Variants in ACACA observed in about 807,000 individuals in gnomAD.
ACACA encodes acetyl-CoA carboxylase 1.
Under a neutral mutation model 296.1 loss-of-function variants are expected in ACACA, and 103 were observed. That is an observed-to-expected ratio of 0.35 (90% CI 0.30 to 0.41). The LOEUF (loss-of-function observed/expected upper bound fraction) is 0.41. Among genes scored for constraint, ACACA ranks in the 10% least tolerant of loss-of-function variants. The pLI is 1.00. For missense variants in ACACA, 1,554 were observed against 2,989.7 expected, an observed-to-expected ratio of 0.52 and a Z score of 11.20; for synonymous variants, 953 against 1,038.6, an observed-to-expected ratio of 0.92 and a Z score of 1.58.
intron 9 of ACACA, among the ~76,000 whole-genome samples, 180 bp from the exon 10 acceptor site, chr17:37,271,041 G>A (rs1216602586): frequency 6.6e-6 from 1 of 152,110 alleles, no homozygotes; most frequent in African/African-American, 2.4e-5. Flanking sequence ...GTAGTATTAG[G>A]TTGAACCAAA....
chr17:37,114,266 G>A (rs2074126522), intron 50 of ACACA, among the ~76,000 whole-genome samples: 1 of 152,070 alleles, frequency 6.6e-6, no homozygotes, highest in Non-Finnish European at 1.5e-5. Context: ...TGTAGACTGG[G>A]AATGGTAGCT....
intron 38 of ACACA, 26 bp downstream of exon 38, chr17:37,191,094 G>A (rs1827006073): frequency 6.2e-7 from 1 of 1,613,030 alleles, no homozygotes; most frequent in Non-Finnish European, 8.5e-7. Context: ...TGCTAGTGCT[G>A]GGAGAGAAGC....
chr17:37,089,113 G>A (rs1444985016), intron 54 of ACACA, 39 bp from the exon 55 acceptor site: 2 of 1,613,894 alleles, frequency 1.2e-6, no homozygotes, highest in Non-Finnish European at 8.5e-7. Context: ...CCAGGGGTCA[G>A]GCCAGGCCGG....
intron 19 of ACACA, among the ~76,000 whole-genome samples, chr17:37,246,382 AT>A (rs2080700272): frequency 6.6e-6 from 1 of 151,894 alleles, no homozygotes; most frequent in African/African-American, 2.4e-5. Context: ...AAGCCAACTG[AT>A]GTTTCTTTTT....
chr17:37,123,719 C>G lies in ACACA; in HGVS notation c.6042-1092G>C, dbSNP rs770505099. Among the ~76,000 whole-genome samples the G allele has an allele frequency of 4.3e-4, 66 of 152,152 alleles. 1 individual carries two copies. The highest frequency in any genetic ancestry group is 2.7e-3 in the Admixed American group (41 of 15,262). The stretch of plus-strand genomic sequence containing the variant: ...CTGCACTGAATCAGAATCAAAAGCC[C>G]TCTAGACAACCAGACAACGAGCAGG... On this transcript the variant is annotated intron_variant, in intron 48 of 55. Coordinates refer to ENST00000616317, the MANE Select transcript of ACACA (RefSeq NM_198834.3).
At chr17:37,216,208 G>GTATATA (rs71159696) in intron 29 of ACACA, among the ~76,000 whole-genome samples, 6 of 144,074 alleles carry the variant, frequency 4.2e-5, no homozygotes, top group Non-Finnish European at 6.1e-5. Flanking sequence ...GTGTGTGTGT[G>GTATATA]TATATATATA....
At chr17:37,221,988 T>C (rs1189771910) in intron 28 of ACACA, 146 bp from the exon 29 acceptor site, 4 of 691,842 alleles carry the variant, frequency 5.8e-6, no homozygotes, top group Non-Finnish European at 7.7e-6. Context: ...TACGTACATA[T>C]ATTGCTTTAA....
At chr17:37,118,374 C>T (rs537860209) in intron 50 of ACACA, among the ~76,000 whole-genome samples, 14 of 152,236 alleles carry the variant, frequency 9.2e-5, no homozygotes, top group African/African-American at 3.4e-4. Flanking sequence ...GTATTTAGTG[C>T]CACTGAATTG....
intron 45 of ACACA, among the ~76,000 whole-genome samples, chr17:37,148,291 C>A (rs1376136389): frequency 3.3e-5 from 5 of 151,316 alleles, no homozygotes; most frequent in Non-Finnish European, 7.4e-5. Flanking sequence ...CAATAATAAT[C>A]TTCAGTAGTA....
At chr17:37,118,715 C>T (rs559219521) in intron 50 of ACACA, among the ~76,000 whole-genome samples, 1 of 152,214 alleles carries the variant, frequency 6.6e-6, no homozygotes, top group South Asian at 2.1e-4. Flanking sequence ...TTTACTTAAC[C>T]TAATTTACAT....
At position 37,130,132 on chromosome 17, in the gene ACACA, C is replaced by T. The variant is rs776887121; in HGVS notation, c.5766G>A (p.Val1922=). The change falls in exon 46 of 56, where the codon GTG becomes GTA. Residue 1922 remains valine (V), a synonymous_variant. Coordinates refer to ENST00000616317, the MANE Select transcript of ACACA (RefSeq NM_198834.3). ...MHNNGVTHCT[V]CDDFEGVFTV... Reference sequence around the variant, plus strand: ...TGAAAACCCCTTCAAAGTCATCACACACAGTGCAGTGGGTCACCCCATTGT... The same window carrying T: ...TGAAAACCCCTTCAAAGTCATCACATACAGTGCAGTGGGTCACCCCATTGT... 2 of 1,614,058 alleles carry T rather than the reference C, an allele frequency of 1.2e-6. No individual in the cohort carries two copies. Among genetic ancestry groups the T allele is most frequent in the African/African-American group, 1.3e-5 (1 of 74,922 alleles).
chr17:37,174,343 G>A (rs891897034), intron 41 of ACACA, among the ~76,000 whole-genome samples: 6 of 151,842 alleles, frequency 4.0e-5, no homozygotes, highest in South Asian at 4.2e-4. Context: ...GAAAAAAGAA[G>A]GACACCAGTG....
At chr17:37,386,969 C>T (rs955580552) in intron 1 of ACACA, 3 of 152,214 alleles carry the variant, frequency 2.0e-5, no homozygotes, top group African/African-American at 4.8e-5. Context: ...AGGTGTGTGC[C>T]ACCATGTTCA....
chr17:37,251,636 G>T (rs1009981023), intron 16 of ACACA, among the ~76,000 whole-genome samples: 2 of 152,134 alleles, frequency 1.3e-5, no homozygotes, highest in African/African-American at 4.8e-5. Flanking sequence ...TCTGAAAGGT[G>T]GTACAAGTAA....
intron 39 of ACACA, among the ~76,000 whole-genome samples, chr17:37,187,210 T>C (rs557026152): frequency 5.9e-5 from 9 of 152,324 alleles, no homozygotes; most frequent in African/African-American, 2.2e-4. Flanking sequence ...GCCACCTCAC[T>C]AGGAATCAAA....
At chr17:37,271,945 T>C (rs185405121) in intron 9 of ACACA, among the ~76,000 whole-genome samples, 42 of 152,324 alleles carry the variant, frequency 2.8e-4, no homozygotes, top group Admixed American at 1.6e-3. Flanking sequence ...GCATTCCAGC[T>C]TGGGCAACAA....
chr17:37,198,423 T>C (rs1464078031), intron 35 of ACACA, among the ~76,000 whole-genome samples: 1 of 152,216 alleles, frequency 6.6e-6, no homozygotes, highest in Non-Finnish European at 1.5e-5. Flanking sequence ...CCTAGCACAA[T>C]ACTCTTCTAA....
At chr17:37,332,730 G>A (rs1238091052) in intron 2 of ACACA, among the ~76,000 whole-genome samples, 3 of 152,122 alleles carry the variant, frequency 2.0e-5, no homozygotes, top group East Asian at 3.9e-4. Flanking sequence ...TGGCCAACAT[G>A]GTGAAACCCC....
intron 45 of ACACA, among the ~76,000 whole-genome samples, chr17:37,148,090 AG>A (rs1168192778): frequency 6.6e-6 from 1 of 151,968 alleles, no homozygotes; most frequent in Non-Finnish European, 1.5e-5. Flanking sequence ...ATGGAAATAT[AG>A]GTTTTTAAAG....
Sources: gnomAD v4.1 joint callset for allele counts (sites outside exome capture counted in the v4.1 genomes callset) on GRCh38, gnomAD v4.1.1 for gene constraint, MANE v1.5 for transcripts, NCBI Gene and HGNC (gene_info 2026-07-23, HGNC 2026-07-21) for gene names.